CSGALNACT1: variants seen among roughly 807,000 people sequenced by gnomAD.
CSGALNACT1 encodes the protein chondroitin sulfate N-acetylgalactosaminyltransferase 1.
A neutral mutation model predicts 51.0 loss-of-function variants in CSGALNACT1; 52 were observed. The ratio of observed to expected loss-of-function variants is 1.02; its 90% confidence interval spans 0.82 to 1.29. CSGALNACT1 has a LOEUF of 1.29. Ranked by LOEUF, CSGALNACT1 falls within the 50% of genes most tolerant of loss-of-function variation. CSGALNACT1 has a pLI of 0.00. For synonymous variants in CSGALNACT1, 341 were observed against 254.4 expected (o/e 1.34, Z -3.24); for missense variants, 935 against 679.2 (o/e 1.38, Z -4.19).
At chr8:19,450,796 G>C (rs1304713250) in intron 5 of CSGALNACT1, among the ~76,000 whole-genome samples, 1 of 152,002 alleles carries the variant, frequency 6.6e-6, no homozygotes, top group East Asian at 1.9e-4. Context: ...CGTAGCCCCA[G>C]CTACTCAGGA....
At chr8:19,690,517 C>G (rs767096002) in intron 1 of CSGALNACT1, among the ~76,000 whole-genome samples, 1 of 152,198 alleles carries the variant, frequency 6.6e-6, no homozygotes, top group Non-Finnish European at 1.5e-5. Context: ...AGTTTGACTA[C>G]AGCTTACCAA....
intron 6 of CSGALNACT1, among the ~76,000 whole-genome samples, chr8:19,429,150 G>A (rs947495485): frequency 6.6e-5 from 10 of 151,750 alleles, no homozygotes; most frequent in African/African-American, 2.4e-4. Context: ...CCTATAAATG[G>A]GATTATACAT....
chr8:19,457,986 C>A (rs1028459580), intron 5 of CSGALNACT1, among the ~76,000 whole-genome samples: 1 of 152,172 alleles, frequency 6.6e-6, no homozygotes, highest in Non-Finnish European at 1.5e-5. Context: ...CAGGTGAAGG[C>A]AGCCTAGAGC....
upstream of CSGALNACT1, among the ~76,000 whole-genome samples, chr8:19,684,567 C>G (rs2060865805): frequency 1.3e-5 from 2 of 152,112 alleles, no homozygotes; most frequent in Non-Finnish European, 2.9e-5. Context: ...GATGCCTCCT[C>G]CCCTCCTCAC....
chr8:19,423,396 G>A (rs1439153243), intron 6 of CSGALNACT1, among the ~76,000 whole-genome samples: 1 of 152,228 alleles, frequency 6.6e-6, no homozygotes, highest in Non-Finnish European at 1.5e-5. Flanking sequence ...GAACGGTAGA[G>A]ACAGTGCTAC....
At chr8:19,626,316 CTGAA>C (rs2054450599) in intron 1 of CSGALNACT1, among the ~76,000 whole-genome samples, 1 of 151,890 alleles carries the variant, frequency 6.6e-6, no homozygotes, top group Non-Finnish European at 1.5e-5. Flanking sequence ...TAAAAAGCAA[CTGAA>C]TGGAGGAAGG....
At chr8:19,545,576 G>A (rs1208513791) in intron 3 of CSGALNACT1, among the ~76,000 whole-genome samples, 1 of 151,914 alleles carries the variant, frequency 6.6e-6, no homozygotes, top group African/African-American at 2.4e-5. Context: ...GCCTAGTATG[G>A]TGTTTCAAAC....
intron 1 of CSGALNACT1, among the ~76,000 whole-genome samples, chr8:19,713,393 G>A (rs919570652): frequency 6.6e-6 from 1 of 152,154 alleles, no homozygotes; most frequent in Admixed American, 6.5e-5. Flanking sequence ...TGTATAAAGA[G>A]GGATGAAGAC....
chr8:19,574,894 A>G (rs973029023), intron 3 of CSGALNACT1, among the ~76,000 whole-genome samples: 1 of 151,996 alleles, frequency 6.6e-6, no homozygotes, highest in African/African-American at 2.4e-5. Flanking sequence ...AATTAGCTGG[A>G]CATGGTAGCG....
intron 5 of CSGALNACT1, among the ~76,000 whole-genome samples, chr8:19,444,584 C>T (rs560742416): frequency 6.6e-6 from 1 of 152,112 alleles, no homozygotes; most frequent in South Asian, 2.1e-4. Context: ...TACCCTAACC[C>T]CCAAGCAATA....
At chr8:19,638,213 C>A (rs1329111786) in intron 1 of CSGALNACT1, among the ~76,000 whole-genome samples, 2 of 149,592 alleles carry the variant, frequency 1.3e-5, no homozygotes, top group Non-Finnish European at 3.0e-5. Flanking sequence ...CCTCACCCTT[C>A]AGGTCTCAGC....
intron 1 of CSGALNACT1, among the ~76,000 whole-genome samples, chr8:19,745,371 C>G (rs1163607128): frequency 1.3e-5 from 2 of 152,154 alleles, no homozygotes; most frequent in African/African-American, 4.8e-5. Flanking sequence ...ATTGTACATA[C>G]TTATGGGGTA....
chr8:19,650,948 G>C (rs1207738815), intron 1 of CSGALNACT1, among the ~76,000 whole-genome samples: 1 of 152,166 alleles, frequency 6.6e-6, no homozygotes, highest in Non-Finnish European at 1.5e-5. Context: ...GGCATCACCA[G>C]ATAATTCTAA....
At chr8:19,527,549 A>T (rs2081953463) in intron 3 of CSGALNACT1, among the ~76,000 whole-genome samples, 1 of 152,204 alleles carries the variant, frequency 6.6e-6, no homozygotes, top group African/African-American at 2.4e-5. Flanking sequence ...GGCAGAGGTT[A>T]AAGTGAGCTG....
At chr8:19,491,194 C>G (rs1046090103) in intron 4 of CSGALNACT1, among the ~76,000 whole-genome samples, 1 of 151,916 alleles carries the variant, frequency 6.6e-6, no homozygotes, top group African/African-American at 2.4e-5. Context: ...AAAATGATAG[C>G]CTTTGTCCTA....
intron 4 of CSGALNACT1, among the ~76,000 whole-genome samples, chr8:19,462,155 G>A (rs2065700102): frequency 1.3e-5 from 2 of 152,242 alleles, no homozygotes; most frequent in South Asian, 2.1e-4. Flanking sequence ...GGGCCTAACT[G>A]CAGAGGAGCC....
chr8:19,668,833 G>A (rs1252929530), intron 1 of CSGALNACT1, among the ~76,000 whole-genome samples: 2 of 152,174 alleles, frequency 1.3e-5, no homozygotes, highest in African/African-American at 4.8e-5. Flanking sequence ...GATTACAGGA[G>A]TGAGCCACTG....
intron 1 of CSGALNACT1, among the ~76,000 whole-genome samples, chr8:19,662,726 T>C (rs763235032): frequency 2.6e-5 from 4 of 152,198 alleles, no homozygotes; most frequent in African/African-American, 4.8e-5. Flanking sequence ...TGTTTCCATC[T>C]TTGGGCAACA....
intron 1 of CSGALNACT1, among the ~76,000 whole-genome samples, chr8:19,679,276 A>AC (rs1346659147): frequency 2.6e-5 from 4 of 151,580 alleles, no homozygotes; most frequent in African/African-American, 9.7e-5. Context: ...AACATGATAA[A>AC]CCCCCGTTTC....
Sources: gnomAD v4.1 joint callset for allele counts (sites outside exome capture counted in the v4.1 genomes callset) on GRCh38, gnomAD v4.1.1 for gene constraint, MANE v1.5 for transcripts, NCBI Gene and HGNC (gene_info 2026-07-23, HGNC 2026-07-21) for gene names.